CAB39L: variants seen among roughly 807,000 people sequenced by gnomAD.
The protein encoded by CAB39L is calcium binding protein 39 like.
A neutral mutation model predicts 39.1 loss-of-function variants in CAB39L; 23 were observed. The ratio of observed to expected loss-of-function variants is 0.59; its 90% CI spans 0.42 to 0.83. CAB39L has a LOEUF of 0.83. Ranked by LOEUF, CAB39L falls within the 40% of genes least tolerant of loss-of-function variation. The pLI is 0.00. For missense variants in CAB39L, 366 were observed against 391.9 expected (o/e 0.93, Z 0.56); for synonymous variants, 126 against 137.2 (o/e 0.92, Z 0.57).
intron 3 of CAB39L, among the ~76,000 whole-genome samples, chr13:49,400,358 G>C (rs1485426480): frequency 6.6e-6 from 1 of 151,438 alleles, no homozygotes; most frequent in Non-Finnish European, 1.5e-5. Context: ...CCTATTTTAA[G>C]ATTATACAAA....
Position 49,427,276 on chromosome 13 carries a change from A to G in CAB39L, c.-32+6042T>C, listed in dbSNP as rs77285461. Among the ~76,000 whole-genome samples, 12 of 152,340 alleles carry G rather than the reference A, an allele frequency of 7.9e-5. 1 individual carries two copies. In the East Asian group the frequency reaches 2.1e-3, roughly 27 times the overall value. On this transcript the variant is annotated intron_variant, in intron 3 of 10. Coordinates refer to ENST00000409308, the MANE Select transcript of CAB39L (RefSeq NM_001079670.3). ...AGCCCTTCCTGGCAACCTCACCAAA[A>G]AAACATGAGTCTACAGTTTCTCCAA... is the stretch of plus-strand genomic sequence containing the variant.
intron 3 of CAB39L, among the ~76,000 whole-genome samples, chr13:49,421,286 T>C (rs1429018106): frequency 1.3e-5 from 2 of 151,874 alleles, no homozygotes; most frequent in African/African-American, 2.4e-5. Context: ...AATAAATAAC[T>C]CCAGACAAAC....
At chr13:49,433,859 A>T (rs1036612917) in intron 2 of CAB39L, among the ~76,000 whole-genome samples, 3 of 152,214 alleles carry the variant, frequency 2.0e-5, no homozygotes, top group African/African-American at 7.2e-5. Context: ...AGCACAAAAC[A>T]TAGAAGAGCA....
intron 1 of CAB39L, among the ~76,000 whole-genome samples, chr13:49,439,424 T>C (rs1225748750): frequency 1.3e-5 from 2 of 152,324 alleles, no homozygotes; most frequent in African/African-American, 4.8e-5. Flanking sequence ...ACTCAACAGT[T>C]AGTTTTTCAA....
At chr13:49,431,340 A>G (rs1180337709) in intron 3 of CAB39L, among the ~76,000 whole-genome samples, 1 of 152,170 alleles carries the variant, frequency 6.6e-6, no homozygotes, top group Non-Finnish European at 1.5e-5. Flanking sequence ...TCCATTGTAT[A>G]GATATACCAC....
intron 3 of CAB39L, 27 bp downstream of exon 3, chr13:49,433,291 C>T (rs1362463025): frequency 2.3e-6 from 1 of 432,790 alleles, no homozygotes; most frequent in African/African-American, 2.1e-5. Flanking sequence ...CACTTAAAAT[C>T]TTGATTGAGT....
chr13:49,377,229 G>A (rs1956094575), intron 4 of CAB39L, 98 bp from the exon 5 acceptor site: 2 of 957,102 alleles, frequency 2.1e-6, no homozygotes, highest in African/African-American at 3.3e-5. Context: ...TTGGTCTTGG[G>A]CTCTGTTTAT....
chr13:49,375,336 T>C (rs1258866064), intron 5 of CAB39L, among the ~76,000 whole-genome samples: 1 of 152,174 alleles, frequency 6.6e-6, no homozygotes, highest in Non-Finnish European at 1.5e-5. Flanking sequence ...AAGTGTGTTT[T>C]TCACTATGCC....
intron 3 of CAB39L, among the ~76,000 whole-genome samples, chr13:49,386,646 T>G (rs1262519083): frequency 6.6e-6 from 1 of 152,184 alleles, no homozygotes; most frequent in Non-Finnish European, 1.5e-5. Context: ...ATTATTCTTC[T>G]ATTTTGGGAT....
At chr13:49,390,356 C>A (rs1414059553) in intron 3 of CAB39L, among the ~76,000 whole-genome samples, 1 of 152,202 alleles carries the variant, frequency 6.6e-6, no homozygotes, top group Non-Finnish European at 1.5e-5. Flanking sequence ...AAGTGATCCT[C>A]CCACCTCAGC....
intron 5 of CAB39L, among the ~76,000 whole-genome samples, chr13:49,368,812 G>T (rs892489946): frequency 6.6e-6 from 1 of 152,124 alleles, no homozygotes; most frequent in Non-Finnish European, 1.5e-5. Flanking sequence ...AAGGAGGGAA[G>T]AAAGAGGTGG....
At chr13:49,356,029 T>C (rs569859297) in intron 6 of CAB39L, among the ~76,000 whole-genome samples, 3 of 152,220 alleles carry the variant, frequency 2.0e-5, no homozygotes, top group Admixed American at 2.0e-4. Flanking sequence ...AATGACAGAA[T>C]TCAAAATTAC....
intron 3 of CAB39L, among the ~76,000 whole-genome samples, chr13:49,399,969 A>G (rs1390990496): frequency 6.6e-6 from 1 of 152,100 alleles, no homozygotes; most frequent in Admixed American, 6.6e-5. Context: ...GTCTAAAAAA[A>G]AAATTAAAAC....
At chr13:49,340,621 T>C (rs891275926) in intron 8 of CAB39L, among the ~76,000 whole-genome samples, 2 of 152,234 alleles carry the variant, frequency 1.3e-5, no homozygotes, top group Non-Finnish European at 2.9e-5. Context: ...GAATGACTTA[T>C]TTATTCTATC....
chr13:49,353,572 T>A (rs986691817), intron 6 of CAB39L, among the ~76,000 whole-genome samples: 1 of 152,042 alleles, frequency 6.6e-6, no homozygotes, highest in African/African-American at 2.4e-5. Context: ...GCTTCTCATC[T>A]CTCAAGGCTT....
Position 49,346,100 on chromosome 13 carries a change from G to GATATAT in CAB39L, c.565-1868_565-1863dup, listed in dbSNP as rs370368670. On this transcript the variant is annotated intron_variant, in intron 7 of 10. Transcript: ENST00000409308. ...GATATATATATATATATATATGCTA[G>GATATAT]ATATATATATATATATATATATATC... Among the ~76,000 whole-genome samples, 70 of 30,916 alleles carry GATATAT rather than the reference G, an allele frequency of 2.3e-3. 16 individuals are homozygous for GATATAT. Among genetic ancestry groups the GATATAT allele is most frequent in the East Asian group, 0.013 (8 of 628 alleles). The allele number at this position is 30,916 out of a possible 152,430, so 20.3% of individuals were successfully genotyped here.
At chr13:49,413,822 C>T (rs544721530) in intron 3 of CAB39L, 12 of 152,280 alleles carry the variant, frequency 7.9e-5, no homozygotes, top group African/African-American at 2.6e-4. Context: ...TCACAATACA[C>T]GACATAGCAT....
intron 5 of CAB39L, among the ~76,000 whole-genome samples, chr13:49,364,065 A>G (rs564375800): frequency 6.6e-6 from 1 of 152,320 alleles, no homozygotes; most frequent in African/African-American, 2.4e-5. Context: ...AAACTGTAAG[A>G]GGAGACAAAG....
At chr13:49,390,536 G>T (rs1956466048) in intron 3 of CAB39L, among the ~76,000 whole-genome samples, 1 of 152,186 alleles carries the variant, frequency 6.6e-6, no homozygotes, top group South Asian at 2.1e-4. Flanking sequence ...TGAAAATCAA[G>T]AATATAAAAG....
Sources: gnomAD v4.1 joint callset for allele counts (sites outside exome capture counted in the v4.1 genomes callset) on GRCh38, gnomAD v4.1.1 for gene constraint, MANE v1.5 for transcripts, NCBI Gene and HGNC (gene_info 2026-07-23, HGNC 2026-07-21) for gene names.